NELL2: variants seen among roughly 807,000 people sequenced by gnomAD.
NELL2 encodes neural EGFL like 2.
NELL2 carries 41 observed loss-of-function variants against 109.6 expected under a neutral mutation model. That is an observed-to-expected ratio of 0.37 (90% CI 0.29 to 0.49). The LOEUF (loss-of-function observed/expected upper bound fraction) is 0.49, where lower values mean the gene tolerates loss of function less well. Among genes scored for constraint, NELL2 ranks in the 20% least tolerant of loss-of-function variants. The pLI is 0.98. For synonymous variants in NELL2, 355 were observed against 344.7 expected (o/e 1.03, Z -0.33); for missense variants, 900 against 1,008.3 (o/e 0.89, Z 1.45).
rs1236047593 is a variant in NELL2 at position 44,861,418 on chromosome 12, T to G, written c.184+13807A>C. Among the ~76,000 whole-genome samples, 5 of 151,954 alleles carry G rather than the reference T, an allele frequency of 3.3e-5. No individual in the cohort carries two copies. In the East Asian group the frequency reaches 9.7e-4, roughly 30 times the overall value. On this transcript the variant is annotated intron_variant, in intron 2 of 19. Transcript: ENST00000429094. ...CAGGCTCCAGGCTGGCCAATCAGAC[T>G]TGGTCTTTGGGCTGCCCCACTGTCA... is the stretch of plus-strand genomic sequence containing the variant.
intron 15 of NELL2, among the ~76,000 whole-genome samples, chr12:44,587,280 A>ATATATAT (rs1227105854): frequency 1.4e-5 from 1 of 72,294 alleles, no homozygotes; most frequent in African/African-American, 5.6e-5. Context: ...TCAAAAAAAA[A>ATATATAT]AAAAATATAT....
chr12:44,730,835 A>T (rs1374787228), intron 9 of NELL2, among the ~76,000 whole-genome samples: 3 of 152,202 alleles, frequency 2.0e-5, no homozygotes, highest in Admixed American at 2.0e-4. Flanking sequence ...TACTAACATA[A>T]GGGTTGTTTT....
intron 3 of NELL2, among the ~76,000 whole-genome samples, chr12:44,812,662 T>G (rs1943216012): frequency 6.6e-6 from 1 of 152,096 alleles, no homozygotes; most frequent in Non-Finnish European, 1.5e-5. Flanking sequence ...AAAGATAGCT[T>G]CAGCAAGAAG....
At chr12:44,879,639 A>G (rs1277916556), upstream of NELL2, among the ~76,000 whole-genome samples, 2 of 152,030 alleles carry the variant, frequency 1.3e-5, no homozygotes, top group Non-Finnish European at 2.9e-5. Flanking sequence ...AAGAAAATAG[A>G]GTGGGATTTT....
At chr12:44,819,382 A>G (rs1439760779) in intron 2 of NELL2, among the ~76,000 whole-genome samples, 1 of 152,238 alleles carries the variant, frequency 6.6e-6, no homozygotes, top group African/African-American at 2.4e-5. Context: ...AACATCCATC[A>G]TATTTTGACA....
At chr12:44,560,343 A>C (rs1198751531) in intron 15 of NELL2, among the ~76,000 whole-genome samples, 1 of 152,118 alleles carries the variant, frequency 6.6e-6, no homozygotes, top group Non-Finnish European at 1.5e-5. Context: ...AGAACAGAGG[A>C]AGATAGAGAC....
chr12:44,733,321 G>T (rs75329711), intron 9 of NELL2, among the ~76,000 whole-genome samples: 3 of 151,920 alleles, frequency 2.0e-5, no homozygotes, highest in Non-Finnish European at 4.4e-5. Flanking sequence ...TCCACTGATG[G>T]ATGAATAAAT....
chr12:44,850,484 G>A (rs1009905286), intron 2 of NELL2, among the ~76,000 whole-genome samples: 6 of 152,024 alleles, frequency 3.9e-5, no homozygotes, highest in Non-Finnish European at 7.4e-5. Flanking sequence ...TTAGTGGTTT[G>A]TTAACAAGTT....
In NELL2 at chr12:44,902,624, G is replaced by A. The variant is rs183430095; in HGVS notation, c.38+11175C>T. On this transcript the variant is annotated intron_variant, in intron 1 of 20. Coordinates refer to the NELL2 transcript ENST00000333837. ...ATCCTAAGCAAAAAGAACAAAGCTG[G>A]AGGTATCAAGCTACCTGACTTCAAA... is the stretch of plus-strand genomic sequence containing the variant. 1.5e-3 allele frequency among the ~76,000 whole-genome samples: 231 copies of A among 152,268 alleles called. 1 individual carries two copies. The highest frequency in any genetic ancestry group is 5.4e-3 in the African/African-American group (226 of 41,560).
At chr12:44,644,246 A>G (rs116696970) in intron 13 of NELL2, among the ~76,000 whole-genome samples, 286 of 152,226 alleles carry the variant, frequency 1.9e-3, no homozygotes, top group African/African-American at 6.6e-3. Flanking sequence ...GTAAAAAGCA[A>G]TAAATATGAG....
intron 12 of NELL2, among the ~76,000 whole-genome samples, chr12:44,702,586 C>T (rs1053758355): frequency 6.6e-6 from 1 of 151,910 alleles, no homozygotes; most frequent in African/African-American, 2.4e-5. Flanking sequence ...CATTAGTTTC[C>T]TAAGAAAGTT....
chr12:44,888,751 A>C (rs1409949776), intron 1 of NELL2, among the ~76,000 whole-genome samples: 2 of 151,854 alleles, frequency 1.3e-5, no homozygotes, highest in African/African-American at 4.9e-5. Flanking sequence ...TATTTGGAAC[A>C]TGGGAGGGGA....
chr12:44,746,145 G>C (rs376975803), intron 9 of NELL2, among the ~76,000 whole-genome samples: 1 of 151,872 alleles, frequency 6.6e-6, no homozygotes, highest in Non-Finnish European at 1.5e-5. Flanking sequence ...ATAATGCCGC[G>C]TATCTACAAC....
intron 16 of NELL2, among the ~76,000 whole-genome samples, chr12:44,527,704 A>G (rs1941847483): frequency 6.6e-6 from 1 of 152,194 alleles, no homozygotes. Flanking sequence ...TAATATTACA[A>G]TTCTACACAT....
chr12:44,697,523 C>T (rs918714579), intron 12 of NELL2, among the ~76,000 whole-genome samples: 1 of 152,098 alleles, frequency 6.6e-6, no homozygotes, highest in Non-Finnish European at 1.5e-5. Context: ...TATATTTTTT[C>T]TCATCAACAT....
At chr12:44,790,667 T>C (rs2007011691) in intron 3 of NELL2, among the ~76,000 whole-genome samples, 1 of 150,158 alleles carries the variant, frequency 6.7e-6, no homozygotes, top group Admixed American at 6.7e-5. Context: ...CACATTTCAA[T>C]ACTAACATTG....
Position 44,740,009 on chromosome 12 carries a change from A to G in NELL2, c.995-25268T>C, listed in dbSNP as rs551458829. ...ATAAAGACAGAGTTTAGTGGCTACA[A>G]TACAAACCATGTGGCATGCAAGACC... On this transcript the variant is annotated intron_variant, in intron 9 of 19. Coordinates refer to ENST00000429094, the MANE Select transcript of NELL2 (RefSeq NM_001145108.2). Among the ~76,000 whole-genome samples the G allele has an allele frequency of 8.9e-4, 135 of 152,232 alleles. 1 individual carries two copies. Among genetic ancestry groups the G allele is most frequent in the Non-Finnish European group, 1.8e-3 (121 of 68,030 alleles).
intron 8 of NELL2, among the ~76,000 whole-genome samples, chr12:44,775,675 G>T (rs986093670): frequency 1.3e-5 from 2 of 152,096 alleles, no homozygotes; most frequent in African/African-American, 2.4e-5. Flanking sequence ...TTAGTTTCAT[G>T]AAAATGCATT....
At chr12:44,639,206 C>G (rs1448619286) in intron 13 of NELL2, among the ~76,000 whole-genome samples, 1 of 152,056 alleles carries the variant, frequency 6.6e-6, no homozygotes, top group Non-Finnish European at 1.5e-5. Flanking sequence ...TCTTTTTCAT[C>G]CCACAAAAGT....
Sources: gnomAD v4.1 joint callset for allele counts (sites outside exome capture counted in the v4.1 genomes callset) on GRCh38, gnomAD v4.1.1 for gene constraint, MANE v1.5 for transcripts, NCBI Gene and HGNC (gene_info 2026-07-23, HGNC 2026-07-21) for gene names.